The following TNK2 variants were observed in gnomAD, a reference collection of about 807,000 sequenced individuals.
The protein encoded by TNK2 is tyrosine kinase non receptor 2.
In TNK2, 83 loss-of-function variants were observed where a neutral mutation model predicts 101.8. The ratio of observed to expected loss-of-function variants is 0.82; its 90% confidence interval spans 0.68 to 0.98. The LOEUF is 0.98. Ranked by LOEUF, TNK2 falls within the 50% of genes least tolerant of loss-of-function variation. The probability of loss-of-function intolerance (pLI) is 0.00; values close to 1 mark genes in which losing one functional copy is unlikely to be tolerated. For missense variants in TNK2, 1,665 were observed against 1,483.2 expected (o/e 1.12, Z -2.01); for synonymous variants, 804 against 633.0 (o/e 1.27, Z -4.06).
At position 195,867,994 on chromosome 3, in the gene TNK2, G is replaced by C. The variant is rs775738913; in HGVS notation, c.2304C>G (p.His768Gln). The part of the protein sequence containing the change: ...VPIPPRPTRP[H>Q]VQLSPAPPGE... The stretch of plus-strand genomic sequence containing the variant: ...CCGGGGGGGCTGGAGACAGCTGGAC[G>C]TGTGGGCGCGTGGGCCGAGGGGGGA... The change falls in exon 13 of 16, where the codon CAC (histidine) becomes CAG (glutamine). Residue 768 changes from histidine (H) to glutamine (Q), a missense_variant. His to Gln is a conservative substitution (Grantham distance 24, BLOSUM62 0). This residue lies in a region of TNK2 where 1,136 missense variants were observed against 894.9 expected (regional missense o/e 1.27). Transcript: ENST00000672887. The C allele has an allele frequency of 6.4e-7, 1 of 1,562,210 alleles. No individual in the cohort carries two copies. The highest frequency in any genetic ancestry group is 1.4e-5 in the African/African-American group (1 of 73,606).
At chr3:195,896,473 C>A (rs190025073) in intron 1 of TNK2, among the ~76,000 whole-genome samples, 11 of 152,286 alleles carry the variant, frequency 7.2e-5, no homozygotes, top group Admixed American at 7.2e-4. Flanking sequence ...CCGGCGAGGC[C>A]CCCGAACGCC....
chr3:195,900,160 A>G (rs1409325612), intron 1 of TNK2, among the ~76,000 whole-genome samples: 2 of 152,070 alleles, frequency 1.3e-5, no homozygotes, highest in African/African-American at 4.8e-5. Flanking sequence ...GTGCCTTCTC[A>G]TCGGACTGCG....
intron 4 of TNK2, 47 bp from the exon 5 acceptor site, chr3:195,883,356 G>C: frequency 1.2e-6 from 2 of 1,604,980 alleles, no homozygotes; most frequent in South Asian, 1.1e-5. Flanking sequence ...CCAGGTCCCA[G>C]ACACGCGGAG....
chr3:195,868,439 G>A lies in TNK2; in HGVS notation c.1859C>T (p.Pro620Leu). 1.9e-6 allele frequency: 3 copies of A among 1,567,354 alleles called. No individual in the cohort carries two copies. Among genetic ancestry groups the A allele is most frequent in the South Asian group, 1.1e-5 (1 of 87,592 alleles). The change falls in exon 13 of 16, where the codon CCT (proline) becomes CTT (leucine). Residue 620 changes from proline (P) to leucine (L), a missense_variant. Physicochemically the swap from Pro to Leu is moderately conservative, Grantham distance 98. Transcript: ENST00000672887. The part of the protein sequence containing the change: ...DACSLLDETP[P>L]QSPTRALPRP... The stretch of plus-strand genomic sequence containing the variant: ...GGGCAGTGCCCGCGTGGGGCTCTGA[G>A]GCGGGGTCTCGTCCAGCAGGGAGCA...
At chr3:195,869,779 G>A in intron 11 of TNK2, 1 of 597,648 alleles carries the variant, frequency 1.7e-6, no homozygotes, top group Non-Finnish European at 3.0e-6. Context: ...GGCAGAGCCG[G>A]AGCCGTGGGG....
In TNK2 at chr3:195,885,611, C is replaced by G; in HGVS notation, c.235-578G>C. ...GAGTGTGTGTGTGGTTCAGATGAAG[C>G]TAGTCCTTGCTGGGAAGGGGCCTGG... On this transcript the variant is annotated intron_variant, in intron 3 of 15. Transcript: ENST00000672887. This position sits in a 1 kb window ranked among gnomAD's most constrained non-coding sequence, Gnocchi z 4.7. 7.8e-7 allele frequency: 1 copy of G among 1,287,758 alleles called. No homozygotes were observed. Among genetic ancestry groups the G allele is most frequent in the Non-Finnish European group, 1.0e-6 (1 of 986,988 alleles). 79.8% of individuals were successfully genotyped at this position (1,287,758 alleles called of 1,614,324 possible).
chr3:195,883,030 C>T, intron 5 of TNK2, 127 bp downstream of exon 5: 1 of 1,155,532 alleles, frequency 8.7e-7, no homozygotes, highest in Non-Finnish European at 1.2e-6. Flanking sequence ...CCCCTTTACT[C>T]CATCAGGTTG....
Position 195,878,914 on chromosome 3 carries a change from CG to C in TNK2, c.1014+134del, listed in dbSNP as rs1750908990. ...GAGACACGGGGCGTGGTGGGAGGCACGGGAAGTGGGGGGAGGCACGGGGCGT... is the reference window on the plus strand; with the variant it reads ...GAGACACGGGGCGTGGTGGGAGGCACGGAAGTGGGGGGAGGCACGGGGCGT... On this transcript the variant is annotated intron_variant, in intron 7 of 15. Transcript: ENST00000672887. This position sits in a 1 kb window ranked among gnomAD's most constrained non-coding sequence, Gnocchi z 4.7. 7.2e-7 allele frequency: 1 copy of C among 1,385,280 alleles called. No homozygotes were observed. The highest frequency in any genetic ancestry group is 1.9e-5 in the Admixed American group (1 of 53,014). The allele number at this position is 1,385,280 out of a possible 1,614,324, so 85.8% of individuals were successfully genotyped here.
chr3:195,869,406 C>G, intron 12 of TNK2, 91 bp downstream of exon 12: 1 of 1,327,462 alleles, frequency 7.5e-7, no homozygotes, highest in South Asian at 1.3e-5. Flanking sequence ...TCCCCTCCGG[C>G]CCAGCCGCCC....
intron 9 of TNK2, chr3:195,876,785 A>G: frequency 2.7e-6 from 1 of 368,028 alleles, no homozygotes; most frequent in Non-Finnish European, 5.4e-6. Context: ...CAACCCTCCC[A>G]GGAGCAGCCG....
At position 195,863,467 on chromosome 3, in the gene TNK2, G is replaced by A. The variant is rs961919080; in HGVS notation, c.*714C>T. 1 of 152,802 alleles carries A rather than the reference G, an allele frequency of 6.5e-6. No homozygotes were observed. The highest frequency in any genetic ancestry group is 1.5e-5 in the Non-Finnish European group (1 of 68,100). The allele number at this position is 152,802 out of a possible 1,614,324, so 9.5% of individuals were successfully genotyped here. On this transcript the variant is annotated 3_prime_UTR_variant, in exon 16 of 16. Coordinates refer to ENST00000672887, the MANE Select transcript of TNK2 (RefSeq NM_001382273.1). ...CTGGTGGGAAAACATGGAACCGCGTGGGGGAATTGGGTGGAAGAGGAAGCA... is the reference window on the plus strand; with the variant it reads ...CTGGTGGGAAAACATGGAACCGCGTAGGGGAATTGGGTGGAAGAGGAAGCA...
rs757141113 is a variant in TNK2 at position 195,888,226 on chromosome 3, G to A, written c.163+200C>T. On this transcript the variant is annotated intron_variant, in intron 2 of 15. Transcript: ENST00000672887. The surrounding 1 kb of genome is among the most constrained non-coding windows in gnomAD (Gnocchi z 5.3). Reference sequence around the variant, plus strand: ...CTCCTGTGTAGCCAGCTTTAGGGAAGGCCTCACTCTCCTCAAACTCCAATT... The same window carrying A: ...CTCCTGTGTAGCCAGCTTTAGGGAAAGCCTCACTCTCCTCAAACTCCAATT... Among the ~76,000 whole-genome samples the A allele has an allele frequency of 2.8e-4, 42 of 152,082 alleles. No homozygotes were observed. Among genetic ancestry groups the A allele is most frequent in the Non-Finnish European group, 1.9e-4 (13 of 68,010 alleles).
chr3:195,884,803 A>C lies in TNK2; in HGVS notation c.456+9T>G, dbSNP rs1444479866. 1 of 1,603,884 alleles carries C rather than the reference A, an allele frequency of 6.2e-7. No homozygotes were observed. The highest frequency in any genetic ancestry group is 8.5e-7 in the Non-Finnish European group (1 of 1,176,238). ...CCTCTGCTGCGCTGGCAGGACACAGAGAGCTCACCGTCTTCCCTGAGGGCG... is the reference window on the plus strand; with the variant it reads ...CCTCTGCTGCGCTGGCAGGACACAGCGAGCTCACCGTCTTCCCTGAGGGCG... On this transcript the variant is annotated intron_variant, in intron 4 of 15. Transcript: ENST00000672887.
chr3:195,869,697 C>T (rs1743608087), intron 11 of TNK2, 156 bp from the exon 12 acceptor site: 31 of 769,886 alleles, frequency 4.0e-5, no homozygotes, highest in South Asian at 1.1e-4. Context: ...AACGGGAGGC[C>T]GCAGGCGGCA....
Position 195,886,962 on chromosome 3 carries a change from C to CA in TNK2, c.234+14dup, listed in dbSNP as rs752072785. 3 of 1,614,070 alleles carry CA rather than the reference C, an allele frequency of 1.9e-6. No homozygotes were observed. Among genetic ancestry groups the CA allele is most frequent in the East Asian group, 4.5e-5 (2 of 44,876 alleles). On this transcript the variant is annotated intron_variant, in intron 3 of 15. Transcript: ENST00000672887. The surrounding 1 kb of genome is among the most constrained non-coding windows in gnomAD (Gnocchi z 4.2). ...GCTGCCCCCCTCCCACCTCCTCACC[C>CA]ACCTCCTCACCCACCTTACTCATCC...
intron 4 of TNK2, chr3:195,883,681 C>T (rs902796149): frequency 7.5e-5 from 14 of 186,984 alleles, no homozygotes; most frequent in Non-Finnish European, 1.5e-4. Flanking sequence ...GTGACGTGAT[C>T]TCAGCTCACT....
rs772569464 is a variant in TNK2 at position 195,867,667 on chromosome 3, C to G, written c.2631G>C (p.Leu877=). 1.1e-5 allele frequency: 18 copies of G among 1,606,742 alleles called. No homozygotes were observed. In the South Asian group the frequency reaches 1.8e-4, roughly 16 times the overall value. The change falls in exon 13 of 16, where the codon CTG becomes CTC. Residue 877 remains leucine, a synonymous_variant. Transcript: ENST00000672887. ...GCTCCAGGTAGGATGGTCGCTCGGG[C>G]AGCAAGTAATAGTGGGTGCTGCTGA... The part of the protein sequence containing the change: ...KKVSSTHYYL[L]PERPSYLERY...
intron 12 of TNK2, 184 bp from the exon 13 acceptor site, chr3:195,868,893 G>C (rs1188332232): frequency 1.5e-6 from 1 of 659,840 alleles, no homozygotes; most frequent in African/African-American, 1.9e-5. Context: ...ACTCCATCAG[G>C]AGGGCGGAAC....
chr3:195,888,713 G>T lies in TNK2; in HGVS notation c.-18-107C>A. On this transcript the variant is annotated intron_variant, in intron 1 of 15. Coordinates refer to ENST00000672887, the MANE Select transcript of TNK2 (RefSeq NM_001382273.1). This position sits in a 1 kb window ranked among gnomAD's most constrained non-coding sequence, Gnocchi z 5.3. ...TCCCACTACACGGCCACCCGGAAGG[G>T]CTCACACCACCTTCTGACTCCCGAG... is the stretch of plus-strand genomic sequence containing the variant. The T allele has an allele frequency of 1.9e-6, 2 of 1,067,686 alleles. No individual in the cohort carries two copies. The highest frequency in any genetic ancestry group is 2.6e-6 in the Non-Finnish European group (2 of 762,932). The allele number at this position is 1,067,686 out of a possible 1,614,324, so 66.1% of individuals were successfully genotyped here. A position where few individuals can be genotyped will look rare whatever the true frequency, so the allele number is the denominator to read the frequency against.
Sources: gnomAD v4.1 joint callset for allele counts (sites outside exome capture counted in the v4.1 genomes callset) on GRCh38, gnomAD v4.1.1 for gene constraint, gnomAD v4.1.1 regional missense constraint, Gnocchi (gnomAD v3.1) non-coding constraint, MANE v1.5 for transcripts, NCBI Gene and HGNC (gene_info 2026-07-23, HGNC 2026-07-21) for gene names.